Variants in C3orf20 observed in about 807,000 individuals in gnomAD.
C3orf20 encodes uncharacterized protein C3orf20.
A neutral mutation model predicts 88.3 loss-of-function variants in C3orf20; 76 were observed. That is an observed-to-expected ratio of 0.86 (90% CI 0.72 to 1.04). The LOEUF (loss-of-function observed/expected upper bound fraction) is 1.04. Among genes scored for constraint, C3orf20 ranks in the 50% least tolerant of loss-of-function variants. C3orf20 has a pLI of 0.00. For missense variants in C3orf20, 1,056 were observed against 1,123.3 expected (o/e 0.94, Z 0.86); for synonymous variants, 436 against 437.4 (o/e 1.00, Z 0.04).
chr3:14,683,264 G>A (rs916689222), intron 3 of C3orf20, 67 bp downstream of exon 3: 1 of 1,505,732 alleles, frequency 6.6e-7, no homozygotes, highest in African/African-American at 1.4e-5. Flanking sequence ...AGAGGCACAT[G>A]CTGGGAACAG....
intron 5 of C3orf20, among the ~76,000 whole-genome samples, chr3:14,696,629 C>T (rs1321623011): frequency 2.0e-5 from 3 of 151,816 alleles, no homozygotes; most frequent in Non-Finnish European, 4.4e-5. Flanking sequence ...CTGCCTGCCT[C>T]GGCCTCCCAG....
intron 12 of C3orf20, among the ~76,000 whole-genome samples, chr3:14,732,639 G>A (rs562473512): frequency 6.6e-6 from 1 of 152,148 alleles, no homozygotes; most frequent in Admixed American, 6.6e-5. Flanking sequence ...GACTAGGGAG[G>A]GGGTGCTACT....
chr3:14,744,627 G>T (rs1023848100), intron 12 of C3orf20, among the ~76,000 whole-genome samples: 16 of 151,926 alleles, frequency 1.1e-4, no homozygotes, highest in African/African-American at 3.9e-4. Flanking sequence ...AATGAAAAAA[G>T]GTTAATTGGA....
chr3:14,675,622 A>G (rs1037155851), intron 1 of C3orf20, among the ~76,000 whole-genome samples: 1 of 152,210 alleles, frequency 6.6e-6, no homozygotes, highest in Non-Finnish European at 1.5e-5. Flanking sequence ...AGGAGTGGCC[A>G]GAAATATTGC....
chr3:14,772,616 T>A lies in C3orf20; in HGVS notation c.2631-175T>A, dbSNP rs1422471480. On this transcript the variant is annotated intron_variant, in intron 16 of 16. Coordinates refer to ENST00000253697, the MANE Select transcript of C3orf20 (RefSeq NM_032137.5). The surrounding 1 kb of genome is among the most constrained non-coding windows in gnomAD (Gnocchi z 4.2). ...TCTCATGAAGATAGAAAAGCAAAATTAGGAGCATGTAGAAAGGTCGCAGGT... is the reference window on the plus strand; with the variant it reads ...TCTCATGAAGATAGAAAAGCAAAATAAGGAGCATGTAGAAAGGTCGCAGGT... Among the ~76,000 whole-genome samples the A allele has an allele frequency of 2.0e-5, 3 of 152,156 alleles. No homozygotes were observed. Among genetic ancestry groups the A allele is most frequent in the African/African-American group, 7.2e-5 (3 of 41,436 alleles).
chr3:14,679,298 GA>G (rs1200443940), intron 1 of C3orf20, among the ~76,000 whole-genome samples: 1 of 152,190 alleles, frequency 6.6e-6, no homozygotes, highest in Admixed American at 6.5e-5. Context: ...CTCAGTGATG[GA>G]AAAATGAATG....
rs1225862853 is a variant in C3orf20 at position 14,681,861 on chromosome 3, A to AT, written c.-298-304dup. ...GCTTCCTTTCTTCAACCAGTGGTCT[A>AT]TTTTTGGTATAAGTTAAGAAGGTAA... On this transcript the variant is annotated intron_variant, in intron 1 of 16. Transcript: ENST00000253697. Among the ~76,000 whole-genome samples the AT allele has an allele frequency of 1.2e-4, 18 of 152,156 alleles. 1 individual carries two copies. The highest frequency in any genetic ancestry group is 9.2e-4 in the Admixed American group (14 of 15,272).
At chr3:14,764,859 C>T (rs1321763971) in intron 15 of C3orf20, 1 of 152,294 alleles carries the variant, frequency 6.6e-6, no homozygotes, top group African/African-American at 2.4e-5. Context: ...TTCCATTGCA[C>T]TGAAGTCCCT....
intron 5 of C3orf20, among the ~76,000 whole-genome samples, chr3:14,692,028 A>C (rs1216077414): frequency 6.6e-6 from 1 of 152,216 alleles, no homozygotes; most frequent in Non-Finnish European, 1.5e-5. Context: ...TTCACTTAAC[A>C]TAATGATCTC....
intron 12 of C3orf20, 41 bp downstream of exon 12, chr3:14,728,729 G>T (rs2034445374): frequency 1.9e-6 from 3 of 1,595,898 alleles, no homozygotes; most frequent in Non-Finnish European, 2.6e-6. Context: ...ATCGGGTGTT[G>T]TGATGGGCAG....
At chr3:14,689,365 G>A (rs2032600341) in intron 4 of C3orf20, among the ~76,000 whole-genome samples, 1 of 152,192 alleles carries the variant, frequency 6.6e-6, no homozygotes, top group Admixed American at 6.5e-5. Flanking sequence ...TGAGTGAGCT[G>A]TGATGAGTGA....
chr3:14,697,025 GAA>G (rs767932985), intron 5 of C3orf20, among the ~76,000 whole-genome samples: 11 of 152,070 alleles, frequency 7.2e-5, no homozygotes, highest in Non-Finnish European at 1.3e-4. Flanking sequence ...CATTTCCACT[GAA>G]AAGTCTGCTG....
chr3:14,688,529 CAAAA>C (rs35979290), intron 4 of C3orf20, among the ~76,000 whole-genome samples: 2 of 105,852 alleles, frequency 1.9e-5, no homozygotes. Context: ...GAGACTGTCT[CAAAA>C]AAAAAAAAAA....
intron 14 of C3orf20, among the ~76,000 whole-genome samples, chr3:14,760,510 A>G (rs1483544678): frequency 1.3e-5 from 2 of 151,584 alleles, no homozygotes; most frequent in African/African-American, 2.4e-5. Context: ...ATTCTTTGCA[A>G]TTCTTCTTTT....
chr3:14,740,909 A>G (rs2034880482), intron 12 of C3orf20, among the ~76,000 whole-genome samples: 1 of 152,146 alleles, frequency 6.6e-6, no homozygotes, highest in African/African-American at 2.4e-5. Context: ...TTAATTGTAC[A>G]TTTTAATCAT....
At chr3:14,761,941 G>C (rs2035575678) in intron 15 of C3orf20, among the ~76,000 whole-genome samples, 1 of 152,102 alleles carries the variant, frequency 6.6e-6, no homozygotes, top group Non-Finnish European at 1.5e-5. Context: ...GGGAATGCTT[G>C]CACAGTCCCT....
chr3:14,717,700 G>A (rs1231700444), intron 9 of C3orf20, among the ~76,000 whole-genome samples: 1 of 151,904 alleles, frequency 6.6e-6, no homozygotes, highest in African/African-American at 2.4e-5. Flanking sequence ...GTTTCCCTCT[G>A]GTACCATTTC....
intron 12 of C3orf20, among the ~76,000 whole-genome samples, chr3:14,742,725 T>C (rs977252118): frequency 2.6e-5 from 4 of 152,184 alleles, no homozygotes; most frequent in African/African-American, 4.8e-5. Context: ...TAATTGGACT[T>C]ACAGTTCCAC....
chr3:14,741,224 A>G (rs2034889075), intron 12 of C3orf20, among the ~76,000 whole-genome samples: 1 of 151,854 alleles, frequency 6.6e-6, no homozygotes. Flanking sequence ...TACTCCTCAG[A>G]TAGATATAGC....
Sources: gnomAD v4.1 joint callset for allele counts (sites outside exome capture counted in the v4.1 genomes callset) on GRCh38, gnomAD v4.1.1 for gene constraint, Gnocchi (gnomAD v3.1) non-coding constraint, MANE v1.5 for transcripts, NCBI Gene and HGNC (gene_info 2026-07-23, HGNC 2026-07-21) for gene names.